SPTLC3: variants seen among roughly 807,000 people sequenced by gnomAD.
SPTLC3 encodes serine palmitoyltransferase long chain base subunit 3, also known as serine palmitoyltransferase 3.
SPTLC3 carries 36 observed loss-of-function variants against 59.3 expected under a neutral mutation model. The ratio of observed to expected loss-of-function variants is 0.61; its 90% CI spans 0.47 to 0.80. SPTLC3 has a LOEUF of 0.80. Among genes scored for constraint, SPTLC3 ranks in the 30% least tolerant of loss-of-function variants. SPTLC3 has a pLI of 0.00. For missense variants in SPTLC3, 625 were observed against 685.1 expected, an observed-to-expected ratio of 0.91 and a Z score of 0.98; for synonymous variants, 257 against 240.8, an observed-to-expected ratio of 1.07 and a Z score of -0.62.
intron 4 of SPTLC3, among the ~76,000 whole-genome samples, chr20:13,078,946 T>A (rs1186903572): frequency 6.6e-6 from 1 of 152,174 alleles, no homozygotes; most frequent in African/African-American, 2.4e-5. Flanking sequence ...AACAATTTTT[T>A]AATTCATACA....
chr20:13,107,213 T>A (rs1168057757), intron 6 of SPTLC3, among the ~76,000 whole-genome samples: 1 of 152,104 alleles, frequency 6.6e-6, no homozygotes, highest in African/African-American at 2.4e-5. Flanking sequence ...ATTTCGAGAA[T>A]CTGCATTTTA....
chr20:13,056,250 T>C (rs765972324), intron 2 of SPTLC3, among the ~76,000 whole-genome samples: 1 of 152,164 alleles, frequency 6.6e-6, no homozygotes, highest in Non-Finnish European at 1.5e-5. Flanking sequence ...CTATCTGATC[T>C]CTGTGAGGTC....
At chr20:13,155,876 A>G (rs1156412729) in intron 10 of SPTLC3, among the ~76,000 whole-genome samples, 1 of 152,218 alleles carries the variant, frequency 6.6e-6, no homozygotes, top group African/African-American at 2.4e-5. Context: ...CATTCCCACC[A>G]GTTGGCCCTT....
chr20:13,107,208 G>A (rs1029971681), intron 6 of SPTLC3, among the ~76,000 whole-genome samples: 2 of 152,118 alleles, frequency 1.3e-5, no homozygotes, highest in African/African-American at 2.4e-5. Context: ...TAGAAATTTC[G>A]AGAATCTGCA....
intron 7 of SPTLC3, among the ~76,000 whole-genome samples, chr20:13,112,631 C>G (rs1338731748): frequency 6.6e-6 from 1 of 152,224 alleles, no homozygotes; most frequent in African/African-American, 2.4e-5. Context: ...GAAGTCCCCA[C>G]TTTCCAAGAA....
intron 8 of SPTLC3, among the ~76,000 whole-genome samples, chr20:13,119,244 C>T (rs1050179000): frequency 6.6e-6 from 1 of 152,184 alleles, no homozygotes; most frequent in East Asian, 1.9e-4. Context: ...ACCAAAGGCA[C>T]CTGAATAAAC....
At chr20:13,130,827 T>C (rs1336630117) in intron 9 of SPTLC3, among the ~76,000 whole-genome samples, 1 of 152,248 alleles carries the variant, frequency 6.6e-6, no homozygotes, top group African/African-American at 2.4e-5. Flanking sequence ...TGAATTATTC[T>C]GGTGTTCCTC....
chr20:13,129,398 T>A (rs1213105894), intron 9 of SPTLC3, among the ~76,000 whole-genome samples: 1 of 152,242 alleles, frequency 6.6e-6, no homozygotes, highest in Admixed American at 6.5e-5. Context: ...GTTCTGGAAC[T>A]ACTGGCTTCC....
At chr20:13,068,656 ATT>A (rs1451171434) in intron 2 of SPTLC3, among the ~76,000 whole-genome samples, 4 of 151,824 alleles carry the variant, frequency 2.6e-5, no homozygotes, top group African/African-American at 7.3e-5. Flanking sequence ...TCCAAACTCA[ATT>A]GGCCCTCTCA....
intron 4 of SPTLC3, among the ~76,000 whole-genome samples, chr20:13,079,050 T>A (rs1988748349): frequency 6.6e-6 from 1 of 152,136 alleles, no homozygotes; most frequent in African/African-American, 2.4e-5. Context: ...ACCTAGGGAA[T>A]AAACTTATTT....
chr20:13,100,483 T>C (rs568942162), intron 6 of SPTLC3, among the ~76,000 whole-genome samples: 15 of 152,292 alleles, frequency 9.8e-5, no homozygotes, highest in African/African-American at 3.6e-4. Flanking sequence ...TAAGCCCAAC[T>C]ACTCGGTTAG....
At chr20:13,153,854 C>A (rs1427145329) in intron 9 of SPTLC3, 149 bp from the exon 10 acceptor site, 1 of 1,040,788 alleles carries the variant, frequency 9.6e-7, no homozygotes, top group Non-Finnish European at 1.4e-6. Context: ...CACACCTGCT[C>A]CCCAGGAGAT....
At chr20:13,079,655 T>G (rs996421088) in intron 4 of SPTLC3, 1 of 388,636 alleles carries the variant, frequency 2.6e-6, no homozygotes, top group Non-Finnish European at 5.3e-6. Flanking sequence ...GACTGTTGTT[T>G]CCTTGATGTG....
intron 1 of SPTLC3, among the ~76,000 whole-genome samples, chr20:13,022,595 G>T (rs1403524869): frequency 6.6e-6 from 1 of 152,116 alleles, no homozygotes; most frequent in East Asian, 1.9e-4. Flanking sequence ...TGGCACCTGG[G>T]CTGGGAAGGC....
At chr20:13,162,116 A>G (rs1393855053) in intron 11 of SPTLC3, among the ~76,000 whole-genome samples, 1 of 152,260 alleles carries the variant, frequency 6.6e-6, no homozygotes, top group East Asian at 1.9e-4. Flanking sequence ...AAAACTTTCA[A>G]GAAGTCTGAC....
intron 4 of SPTLC3, among the ~76,000 whole-genome samples, chr20:13,090,634 G>A (rs1989179255): frequency 6.6e-6 from 1 of 152,140 alleles, no homozygotes; most frequent in Admixed American, 6.5e-5. Context: ...TGTAACAAAT[G>A]CAGAAATAGA....
chr20:13,028,643 T>C (rs1430573843), intron 1 of SPTLC3, among the ~76,000 whole-genome samples: 1 of 152,166 alleles, frequency 6.6e-6, no homozygotes, highest in Non-Finnish European at 1.5e-5. Context: ...TTTAAAGTGT[T>C]ATAGACTAGT....
chr20:13,050,042 A>G (rs1022481508), intron 2 of SPTLC3: 5 of 152,198 alleles, frequency 3.3e-5, no homozygotes, highest in Non-Finnish European at 5.9e-5. Flanking sequence ...ACACCCCCCA[A>G]AATATAATAC....
rs570398121 is a variant in SPTLC3 at position 13,164,998 on chromosome 20, G to C, written c.*131G>C. ...GTTCCCAGACCAGCTTGATTGAACT[G>C]AGGGAGACGTTGTTGTTTTTAATGT... On this transcript the variant is annotated 3_prime_UTR_variant, in exon 12 of 12. Coordinates refer to ENST00000399002, the MANE Select transcript of SPTLC3 (RefSeq NM_018327.4). The C allele has an allele frequency of 2.3e-5, 15 of 657,230 alleles. No homozygotes were observed. The South Asian group carries it at 3.0e-4, about 13-fold the overall frequency. The allele number at this position is 657,230 out of a possible 1,614,324, so 40.7% of individuals were successfully genotyped here.
Sources: allele counts gnomAD v4.1 joint callset (sites outside exome capture counted in the v4.1 genomes callset), GRCh38; gene constraint gnomAD v4.1.1; transcripts MANE v1.5; gene names NCBI Gene and HGNC (gene_info 2026-07-23, HGNC 2026-07-21).